The following ARB2A variants were observed in gnomAD, a reference collection of about 807,000 sequenced individuals.
ARB2A encodes cotranscriptional regulator ARB2A.
the ARB2A span, among the ~76,000 whole-genome samples, chr5:93,973,670 T>C: frequency 6.6e-6 from 1 of 152,024 alleles, no homozygotes; most frequent in African/African-American, 2.4e-5. Context: ...TGGAAAAGAA[T>C]CACATCACCA....
the ARB2A span, among the ~76,000 whole-genome samples, chr5:93,857,652 G>A: frequency 6.6e-6 from 1 of 152,204 alleles, no homozygotes; most frequent in South Asian, 2.1e-4. Flanking sequence ...TGCAGTATTA[G>A]GGTGGGAGTG....
the ARB2A span, among the ~76,000 whole-genome samples, chr5:94,099,685 C>T: frequency 1.0e-5 from 1 of 96,958 alleles, no homozygotes; most frequent in African/African-American, 3.9e-5. Context: ...ATCACATAAA[C>T]AGAACTAAAG....
chr5:94,076,320 C>T, the ARB2A span, among the ~76,000 whole-genome samples: 1 of 152,350 alleles, frequency 6.6e-6, no homozygotes, highest in East Asian at 1.9e-4. Flanking sequence ...AGCCCTTTCA[C>T]TTAGCATAAG....
chr5:93,933,869 G>A, the ARB2A span, among the ~76,000 whole-genome samples: 1 of 152,080 alleles, frequency 6.6e-6, no homozygotes. Flanking sequence ...AGCCAGGAGT[G>A]GTGGCTTGCA....
chr5:93,830,119 C>T, the ARB2A span, among the ~76,000 whole-genome samples: 2 of 151,562 alleles, frequency 1.3e-5, no homozygotes, highest in African/African-American at 4.8e-5. Context: ...CTGAACACCT[C>T]ATCACCCTAG....
At chr5:94,006,986 C>A in the ARB2A span, among the ~76,000 whole-genome samples, 1 of 152,142 alleles carries the variant, frequency 6.6e-6, no homozygotes, top group African/African-American at 2.4e-5. Context: ...TGTCACAAAT[C>A]TGATTCAATT....
chr5:93,824,111 G>C, the ARB2A span: 1 of 1,493,304 alleles, frequency 6.7e-7, no homozygotes, highest in Non-Finnish European at 9.0e-7. Context: ...AAACCTACAA[G>C]GAGACTGGAA....
the ARB2A span, among the ~76,000 whole-genome samples, chr5:93,752,690 T>A: frequency 6.6e-6 from 1 of 152,172 alleles, no homozygotes; most frequent in Non-Finnish European, 1.5e-5. Context: ...GGCAAATGAT[T>A]ATATATACTA....
At chr5:93,718,557 A>G in the ARB2A span, among the ~76,000 whole-genome samples, 1 of 152,208 alleles carries the variant, frequency 6.6e-6, no homozygotes, top group Admixed American at 6.5e-5. Context: ...AATGTATGTT[A>G]AAGTAGACTC....
the ARB2A span, among the ~76,000 whole-genome samples, chr5:93,696,036 G>C: frequency 6.6e-6 from 1 of 152,086 alleles, no homozygotes; most frequent in African/African-American, 2.4e-5. Context: ...GGTCTGTCGG[G>C]GGGTGGGGGA....
At chr5:93,787,731 C>A in the ARB2A span, among the ~76,000 whole-genome samples, 1 of 152,142 alleles carries the variant, frequency 6.6e-6, no homozygotes, top group South Asian at 2.1e-4. Flanking sequence ...ATTCCCTTTT[C>A]ATATATACAG....
the ARB2A span, among the ~76,000 whole-genome samples, chr5:94,020,840 TAAGGAA>T: frequency 6.6e-6 from 1 of 152,154 alleles, no homozygotes; most frequent in African/African-American, 2.4e-5. Context: ...GACTAAAACT[TAAGGAA>T]AAAGCCCATG....
At chr5:93,705,647 GTGTGTATA>G in the ARB2A span, among the ~76,000 whole-genome samples, 138 of 143,592 alleles carry the variant, frequency 9.6e-4, 1 homozygote, top group African/African-American at 3.1e-3. Context: ...GTGTGTGTGT[GTGTGTATA>G]TATATATATA....
the ARB2A span, among the ~76,000 whole-genome samples, chr5:93,720,276 C>T: frequency 3.9e-5 from 6 of 152,316 alleles, no homozygotes; most frequent in South Asian, 4.1e-4. Flanking sequence ...CTTCAAAAGA[C>T]GGAAAGCTTG....
At chr5:93,771,205 A>C in the ARB2A span, among the ~76,000 whole-genome samples, 5 of 151,182 alleles carry the variant, frequency 3.3e-5, no homozygotes, top group Admixed American at 6.6e-5. Flanking sequence ...GCAATGGGGA[A>C]AGGATTCCCT....
At chr5:93,644,408 T>C in the ARB2A span, among the ~76,000 whole-genome samples, 1 of 152,246 alleles carries the variant, frequency 6.6e-6, no homozygotes, top group East Asian at 1.9e-4. Flanking sequence ...GATAAATATA[T>C]GTCATATATT....
the ARB2A span, among the ~76,000 whole-genome samples, chr5:93,749,786 T>A: frequency 6.6e-6 from 1 of 152,182 alleles, no homozygotes; most frequent in Non-Finnish European, 1.5e-5. Flanking sequence ...AGTCAGATTT[T>A]CATGAAGTAT....
chr5:93,796,325 A>G, the ARB2A span, among the ~76,000 whole-genome samples: 1 of 152,260 alleles, frequency 6.6e-6, no homozygotes, highest in South Asian at 2.1e-4. Context: ...CATTTCTTCA[A>G]TGTAAGCTCA....
At chr5:94,048,898 T>C in the ARB2A span, among the ~76,000 whole-genome samples, 2 of 152,204 alleles carry the variant, frequency 1.3e-5, no homozygotes, top group African/African-American at 4.8e-5. Flanking sequence ...GTCAAAGTCT[T>C]TGCTCAGAGA....
Sources: allele counts gnomAD v4.1 joint callset (sites outside exome capture counted in the v4.1 genomes callset), GRCh38; gene constraint gnomAD v4.1.1; transcripts MANE v1.5; gene names NCBI Gene and HGNC (gene_info 2026-07-23, HGNC 2026-07-21).